The following FSD1L variants were observed in gnomAD, a reference collection of about 807,000 sequenced individuals.
FSD1L encodes the protein FSD1-like protein.
FSD1L carries 45 observed loss-of-function variants against 71.6 expected under a neutral mutation model. The observed-to-expected ratio is 0.63, with a 90% CI of 0.49 to 0.81. FSD1L has a LOEUF of 0.81. Among genes scored for constraint, FSD1L ranks in the 30% least tolerant of loss-of-function variants. FSD1L has a pLI of 0.00. For synonymous variants in FSD1L, 197 were observed against 207.2 expected, an observed-to-expected ratio of 0.95 and a Z score of 0.42; for missense variants, 561 against 618.1, an observed-to-expected ratio of 0.91 and a Z score of 0.98.
intron 4 of FSD1L, among the ~76,000 whole-genome samples, chr9:105,469,465 A>C (rs1050691298): frequency 5.3e-5 from 8 of 152,136 alleles, no homozygotes; most frequent in African/African-American, 1.7e-4. Flanking sequence ...GGCCATCATA[A>C]TGGGTATGAC....
intron 7 of FSD1L, among the ~76,000 whole-genome samples, chr9:105,498,064 C>G (rs1589020240): frequency 6.6e-6 from 1 of 151,934 alleles, no homozygotes; most frequent in South Asian, 2.1e-4. Flanking sequence ...AGACTGGTCT[C>G]AAACCCCTGG....
chr9:105,538,294 C>T (rs904130888), intron 12 of FSD1L, among the ~76,000 whole-genome samples: 1 of 152,174 alleles, frequency 6.6e-6, no homozygotes, highest in Non-Finnish European at 1.5e-5. Context: ...GTACTGGGTA[C>T]TTTACATACA....
chr9:105,522,425 G>T lies in FSD1L; in HGVS notation c.1025+9489G>T. The T allele has an allele frequency of 3.7e-6, 6 of 1,613,714 alleles. No homozygotes were observed. The South Asian group carries it at 5.5e-5, about 15-fold the overall frequency. ...TTTCTAGAGGATGGAGTCGTGATCA[G>T]CCTGGCCAAGCCCCAATGAGACAGA... On this transcript the variant is annotated intron_variant, in intron 10 of 13. Coordinates refer to ENST00000481272, the MANE Select transcript of FSD1L (RefSeq NM_001145313.3).
chr9:105,488,093 G>A (rs1318826039), intron 7 of FSD1L, among the ~76,000 whole-genome samples: 1 of 152,048 alleles, frequency 6.6e-6, no homozygotes, highest in Non-Finnish European at 1.5e-5. Context: ...TTATGGGTTT[G>A]GGCAGATGTA....
intron 7 of FSD1L, among the ~76,000 whole-genome samples, chr9:105,501,992 T>C (rs184184647): frequency 1.7e-4 from 26 of 152,316 alleles, no homozygotes; most frequent in African/African-American, 5.5e-4. Context: ...TATATTTTTT[T>C]CTTTTTATCA....
intron 7 of FSD1L, among the ~76,000 whole-genome samples, chr9:105,495,911 G>A (rs1833360276): frequency 6.6e-6 from 1 of 151,384 alleles, no homozygotes; most frequent in African/African-American, 2.4e-5. Context: ...GGCGGAGCTT[G>A]CAGTGAGCCG....
chr9:105,495,910 T>C (rs1168382405), intron 7 of FSD1L, among the ~76,000 whole-genome samples: 1 of 151,288 alleles, frequency 6.6e-6, no homozygotes, highest in Non-Finnish European at 1.5e-5. Flanking sequence ...AGGCGGAGCT[T>C]GCAGTGAGCC....
chr9:105,465,081 TA>T (rs1471187096), intron 3 of FSD1L, among the ~76,000 whole-genome samples: 1 of 151,898 alleles, frequency 6.6e-6, no homozygotes, highest in Non-Finnish European at 1.5e-5. Context: ...GGGAGAGGAA[TA>T]CTTAAGAAAA....
chr9:105,474,959 T>G (rs1390331592), intron 5 of FSD1L, among the ~76,000 whole-genome samples: 1 of 152,198 alleles, frequency 6.6e-6, no homozygotes. Flanking sequence ...AGAAGTTTGG[T>G]TGGTAGTAAA....
At chr9:105,471,748 CTTGA>C (rs1265494798) in intron 4 of FSD1L, among the ~76,000 whole-genome samples, 152 bp from the exon 5 acceptor site, 15 of 118,266 alleles carry the variant, frequency 1.3e-4, no homozygotes, top group African/African-American at 4.3e-4. Flanking sequence ...ATATATATAA[CTTGA>C]TTATCTTGCT....
intron 10 of FSD1L, among the ~76,000 whole-genome samples, chr9:105,518,569 A>G (rs1182177690): frequency 6.6e-6 from 1 of 152,160 alleles, no homozygotes; most frequent in African/African-American, 2.4e-5. Context: ...CTACTGGGTA[A>G]ATAACGAAAT....
At chr9:105,460,591 C>CA (rs35223160) in intron 1 of FSD1L, among the ~76,000 whole-genome samples, 14,338 of 65,450 alleles carry the variant, frequency 0.22, 1,108 homozygotes, top group Admixed American at 0.31. Context: ...GACTCCATCT[C>CA]AAAAAAAAAA....
chr9:105,503,595 T>C (rs7867012), intron 7 of FSD1L, among the ~76,000 whole-genome samples: 20,153 of 152,244 alleles, frequency 0.13, 1,732 homozygotes, highest in African/African-American at 0.24. Context: ...ATTTCTACAC[T>C]ATTGCTAGTT....
Position 105,448,102 on chromosome 9 carries a change from G to A in FSD1L, c.-119G>A, listed in dbSNP as rs1588893404. Reference sequence around the variant, plus strand: ...TGGGCGCGGACGGGTGGGGCCGGGCGGTGCCGGTGCGGGCTGGGGCAGTGC... The same window carrying A: ...TGGGCGCGGACGGGTGGGGCCGGGCAGTGCCGGTGCGGGCTGGGGCAGTGC... On this transcript the variant is annotated 5_prime_UTR_variant, in exon 1 of 14. Transcript: ENST00000481272. 1.7e-6 allele frequency: 2 copies of A among 1,145,968 alleles called. No individual in the cohort carries two copies. Among genetic ancestry groups the A allele is most frequent in the South Asian group, 1.3e-5 (1 of 75,222 alleles). 71.0% of individuals were successfully genotyped at this position (1,145,968 alleles called of 1,614,324 possible). A position where few individuals can be genotyped will look rare whatever the true frequency, so the allele number is the denominator to read the frequency against.
intron 13 of FSD1L, among the ~76,000 whole-genome samples, chr9:105,543,153 A>C (rs974031665): frequency 6.6e-6 from 1 of 152,162 alleles, no homozygotes; most frequent in Non-Finnish European, 1.5e-5. Context: ...ATATAATTAC[A>C]AATTTCACAG....
At chr9:105,494,415 A>C (rs527823615) in intron 7 of FSD1L, among the ~76,000 whole-genome samples, 1 of 152,056 alleles carries the variant, frequency 6.6e-6, no homozygotes, top group Non-Finnish European at 1.5e-5. Flanking sequence ...AATTTTTTTC[A>C]AAGTTTTCAA....
At chr9:105,502,741 C>T (rs2131343494) in intron 7 of FSD1L, among the ~76,000 whole-genome samples, 1 of 152,060 alleles carries the variant, frequency 6.6e-6, no homozygotes, top group South Asian at 2.1e-4. Flanking sequence ...AATGGCTTAA[C>T]AGACCAAGAC....
chr9:105,462,472 C>A lies in FSD1L; in HGVS notation c.111+857C>A, dbSNP rs1372636803. Among the ~76,000 whole-genome samples the A allele has an allele frequency of 2.1e-5, 3 of 145,966 alleles. No homozygotes were observed. The Admixed American group carries it at 2.1e-4, about 10-fold the overall frequency. The stretch of plus-strand genomic sequence containing the variant: ...CTGACCTCTGGTGATCCACCCGCCT[C>A]AGCATCCCAAAGTGCTGGGATTACA... On this transcript the variant is annotated intron_variant, in intron 2 of 13. Transcript: ENST00000481272.
intron 7 of FSD1L, among the ~76,000 whole-genome samples, chr9:105,497,332 A>T (rs1438987628): frequency 1.3e-5 from 2 of 152,114 alleles, no homozygotes; most frequent in Admixed American, 6.5e-5. Flanking sequence ...TTTCTTTTGG[A>T]GTAATATCTT....
Sources: allele counts gnomAD v4.1 joint callset (sites outside exome capture counted in the v4.1 genomes callset), GRCh38; gene constraint gnomAD v4.1.1; transcripts MANE v1.5; gene names NCBI Gene and HGNC (gene_info 2026-07-23, HGNC 2026-07-21).